CDH12: variants seen among roughly 807,000 people sequenced by gnomAD.
The protein encoded by CDH12 is cadherin-12.
A neutral mutation model predicts 74.1 loss-of-function variants in CDH12; 41 were observed. The ratio of observed to expected loss-of-function variants is 0.55; its 90% CI spans 0.43 to 0.72. The LOEUF (loss-of-function observed/expected upper bound fraction) is 0.72, where lower values mean the gene tolerates loss of function less well. CDH12 is among the 30% of genes least tolerant of loss of function. The probability of loss-of-function intolerance (pLI) is 0.00; values close to 1 mark genes in which losing one functional copy is unlikely to be tolerated. For synonymous variants in CDH12, 399 were observed against 355.0 expected (o/e 1.12, Z -1.39); for missense variants, 945 against 977.2 (o/e 0.97, Z 0.44).
At chr5:22,581,341 GGCTT>G (rs1425265276) in intron 1 of CDH12, among the ~76,000 whole-genome samples, 1 of 152,236 alleles carries the variant, frequency 6.6e-6, no homozygotes, top group Non-Finnish European at 1.5e-5. Context: ...CTTGGGCTGT[GGCTT>G]CAGACAGTGC....
At chr5:22,756,849 A>T (rs1278875236) in intron 1 of CDH12, among the ~76,000 whole-genome samples, 2 of 151,812 alleles carry the variant, frequency 1.3e-5, no homozygotes, top group Non-Finnish European at 2.9e-5. Context: ...AATCCCAACT[A>T]CTCAGGAGGC....
chr5:22,494,971 C>T (rs1747042593), intron 2 of CDH12, among the ~76,000 whole-genome samples: 1 of 152,168 alleles, frequency 6.6e-6, no homozygotes, highest in Admixed American at 6.5e-5. Flanking sequence ...GATAATTAAA[C>T]TATCAAAAGG....
At chr5:22,009,441 T>C (rs1180392418) in intron 5 of CDH12, among the ~76,000 whole-genome samples, 2 of 152,248 alleles carry the variant, frequency 1.3e-5, no homozygotes, top group Non-Finnish European at 2.9e-5. Context: ...CACCTTCCCA[T>C]TGATCCTTCA....
intron 1 of CDH12, among the ~76,000 whole-genome samples, chr5:22,684,194 G>A (rs1414323818): frequency 6.6e-6 from 1 of 152,060 alleles, no homozygotes; most frequent in Admixed American, 6.6e-5. Flanking sequence ...CATAGTAGGT[G>A]TATAAATTTA....
chr5:22,246,012 A>G (rs1367011584), intron 3 of CDH12, among the ~76,000 whole-genome samples: 1 of 152,194 alleles, frequency 6.6e-6, no homozygotes, highest in East Asian at 1.9e-4. Context: ...TGGTGGCATT[A>G]TAATAGTGGT....
chr5:22,109,079 C>T (rs1744670129), intron 4 of CDH12, among the ~76,000 whole-genome samples: 1 of 152,080 alleles, frequency 6.6e-6, no homozygotes, highest in Non-Finnish European at 1.5e-5. Flanking sequence ...ATACTACCTA[C>T]TTTATAAGGG....
chr5:21,909,338 G>A (rs567571653), intron 6 of CDH12, among the ~76,000 whole-genome samples: 10 of 152,056 alleles, frequency 6.6e-5, no homozygotes, highest in Non-Finnish European at 1.2e-4. Flanking sequence ...CTAGGCCAGG[G>A]GCTACCTCAA....
chr5:22,376,683 A>ATTTTTTTTT (rs34256665), intron 3 of CDH12, among the ~76,000 whole-genome samples: 1 of 117,226 alleles, frequency 8.5e-6, no homozygotes, highest in Non-Finnish European at 1.7e-5. Context: ...TGGTTGACTA[A>ATTTTTTTTT]TTTTTTTTTT....
chr5:21,894,146 A>T (rs1753014117), intron 6 of CDH12, among the ~76,000 whole-genome samples: 1 of 152,172 alleles, frequency 6.6e-6, no homozygotes, highest in African/African-American at 2.4e-5. Context: ...TGGGAAGCCA[A>T]GGCGGGTGGA....
chr5:22,015,339 C>T (rs914572303), intron 5 of CDH12, among the ~76,000 whole-genome samples: 3 of 152,056 alleles, frequency 2.0e-5, no homozygotes, highest in Non-Finnish European at 2.9e-5. Flanking sequence ...CAGAATACAA[C>T]AGCTTAACTT....
intron 6 of CDH12, among the ~76,000 whole-genome samples, chr5:21,917,768 C>A (rs1375058858): frequency 6.6e-6 from 1 of 152,114 alleles, no homozygotes; most frequent in South Asian, 2.1e-4. Flanking sequence ...AATAAATTTA[C>A]AGAAAATAGA....
chr5:22,271,575 C>T (rs528789335), intron 3 of CDH12, among the ~76,000 whole-genome samples: 1 of 152,066 alleles, frequency 6.6e-6, no homozygotes, highest in Admixed American at 6.6e-5. Flanking sequence ...TTGTTGAGAT[C>T]CAACAAAGGA....
chr5:22,286,442 T>A (rs1737137469), intron 3 of CDH12, among the ~76,000 whole-genome samples: 1 of 152,118 alleles, frequency 6.6e-6, no homozygotes, highest in Admixed American at 6.5e-5. Flanking sequence ...AAAGATAAAA[T>A]GAAATTCTAG....
intron 3 of CDH12, among the ~76,000 whole-genome samples, chr5:22,223,119 T>C (rs1208571335): frequency 6.6e-6 from 1 of 152,076 alleles, no homozygotes; most frequent in Non-Finnish European, 1.5e-5. Context: ...GCCCTCAGAA[T>C]CTTTTAGTTC....
At chr5:22,499,318 G>A (rs1747240000) in intron 2 of CDH12, among the ~76,000 whole-genome samples, 1 of 152,050 alleles carries the variant, frequency 6.6e-6, no homozygotes, top group African/African-American at 2.4e-5. Flanking sequence ...CAAGAAAAGT[G>A]ATTTATTCTA....
intron 3 of CDH12, among the ~76,000 whole-genome samples, chr5:22,309,145 G>A (rs1366629309): frequency 6.6e-6 from 1 of 152,116 alleles, no homozygotes; most frequent in Non-Finnish European, 1.5e-5. Flanking sequence ...GGTTAACTCA[G>A]CTAATATATT....
intron 3 of CDH12, among the ~76,000 whole-genome samples, chr5:22,245,130 T>C (rs1039816037): frequency 8.5e-5 from 13 of 152,206 alleles, no homozygotes; most frequent in African/African-American, 2.9e-4. Context: ...TGATTATAGT[T>C]TGGATTTGAA....
At chr5:22,325,527 A>T (rs1739048581) in intron 3 of CDH12, among the ~76,000 whole-genome samples, 1 of 152,080 alleles carries the variant, frequency 6.6e-6, no homozygotes, top group Non-Finnish European at 1.5e-5. Context: ...TCAGAGATCC[A>T]CAGTTTAGAA....
intron 1 of CDH12, among the ~76,000 whole-genome samples, chr5:22,523,173 G>C (rs1011685617): frequency 1.3e-5 from 2 of 152,014 alleles, no homozygotes; most frequent in African/African-American, 4.8e-5. Context: ...TCTTTTCCTA[G>C]AATTCTTTTA....
Sources: gnomAD v4.1 joint callset for allele counts (sites outside exome capture counted in the v4.1 genomes callset) on GRCh38, gnomAD v4.1.1 for gene constraint, MANE v1.5 for transcripts, NCBI Gene and HGNC (gene_info 2026-07-23, HGNC 2026-07-21) for gene names.